Variants in TTLL7 observed in about 807,000 individuals in gnomAD.
TTLL7 encodes the protein tubulin polyglutamylase TTLL7.
A neutral mutation model predicts 120.2 loss-of-function variants in TTLL7; 53 were observed. That is an observed-to-expected ratio of 0.44 (90% confidence interval 0.35 to 0.55). The LOEUF (loss-of-function observed/expected upper bound fraction) is 0.55, where lower values mean the gene tolerates loss of function less well. Among genes scored for constraint, TTLL7 ranks in the 20% least tolerant of loss-of-function variants. TTLL7 has a pLI of 0.00. For synonymous variants in TTLL7, 353 were observed against 351.7 expected, an observed-to-expected ratio of 1.00 and a Z score of -0.04; for missense variants, 803 against 1,054.7, an observed-to-expected ratio of 0.76 and a Z score of 3.31.
chr1:83,925,425 G>A (rs563015760), intron 10 of TTLL7, among the ~76,000 whole-genome samples: 8 of 152,248 alleles, frequency 5.3e-5, no homozygotes, highest in African/African-American at 1.4e-4. Flanking sequence ...TAGTGGACTC[G>A]GAATAAATGG....
chr1:83,867,056 C>T lies in TTLL7; in HGVS notation c.*2906G>A, dbSNP rs959766951. 1.3e-5 allele frequency: 2 copies of T among 151,852 alleles called. No homozygotes were observed. Among genetic ancestry groups the T allele is most frequent in the African/African-American group, 4.8e-5 (2 of 41,384 alleles). The allele number at this position is 151,852 out of a possible 1,614,324, so 9.4% of individuals were successfully genotyped here. A position where few individuals can be genotyped will look rare whatever the true frequency, so the allele number is the denominator to read the frequency against. ...TTTCATTGTAAGTAAACCCAGTTCCCCTATTAAAAACCTCTGGTAAGATTA... is the reference window on the plus strand; with the variant it reads ...TTTCATTGTAAGTAAACCCAGTTCCTCTATTAAAAACCTCTGGTAAGATTA... On this transcript the variant is annotated 3_prime_UTR_variant, in exon 21 of 21. Coordinates refer to ENST00000260505, the MANE Select transcript of TTLL7 (RefSeq NM_024686.6).
chr1:83,886,907 T>C (rs888794017), intron 19 of TTLL7, among the ~76,000 whole-genome samples: 1 of 152,048 alleles, frequency 6.6e-6, no homozygotes, highest in Non-Finnish European at 1.5e-5. Flanking sequence ...TAAAACATGG[T>C]AGATAATTTT....
At chr1:83,876,503 T>C (rs894541914) in intron 20 of TTLL7, among the ~76,000 whole-genome samples, 2 of 151,956 alleles carry the variant, frequency 1.3e-5, no homozygotes, top group Non-Finnish European at 2.9e-5. Context: ...TTGAGATTTA[T>C]AGTAGAATTA....
At chr1:83,933,875 G>T (rs1647189251) in intron 8 of TTLL7, 109 bp from the exon 9 acceptor site, 15 of 1,000,434 alleles carry the variant, frequency 1.5e-5, no homozygotes, top group Non-Finnish European at 2.2e-5. Context: ...ACAAAGCTCT[G>T]TGGCATCTAG....
At chr1:83,979,650 A>C (rs1651786864) in intron 1 of TTLL7, 2 of 152,226 alleles carry the variant, frequency 1.3e-5, no homozygotes, top group Non-Finnish European at 2.9e-5. Context: ...TATAAACTAA[A>C]TTCCATCCAA....
At chr1:83,880,693 T>C (rs1654367838) in intron 20 of TTLL7, among the ~76,000 whole-genome samples, 1 of 152,062 alleles carries the variant, frequency 6.6e-6, no homozygotes, top group Non-Finnish European at 1.5e-5. Context: ...TTCAATGCCA[T>C]CCGCATCAAG....
intron 20 of TTLL7, among the ~76,000 whole-genome samples, chr1:83,870,558 C>T (rs979014646): frequency 6.6e-6 from 1 of 152,130 alleles, no homozygotes; most frequent in African/African-American, 2.4e-5. Flanking sequence ...GATTAACATT[C>T]CTAATTAGAA....
intron 1 of TTLL7, among the ~76,000 whole-genome samples, chr1:83,992,791 C>CTTTTTTTTT: frequency 9.8e-6 from 1 of 101,546 alleles, no homozygotes; most frequent in Non-Finnish European, 1.9e-5. Flanking sequence ...TATTCAAGTT[C>CTTTTTTTTT]TTTTTTTTTT....
intron 1 of TTLL7, among the ~76,000 whole-genome samples, chr1:83,964,210 T>C (rs776143479): frequency 6.6e-6 from 1 of 152,122 alleles, no homozygotes; most frequent in Non-Finnish European, 1.5e-5. Context: ...TCCAAATCTT[T>C]GAAAACAGTG....
intron 18 of TTLL7, chr1:83,900,043 CAT>C (rs1469463361): frequency 4.7e-5 from 16 of 339,318 alleles, no homozygotes; most frequent in Non-Finnish European, 6.3e-5. Flanking sequence ...AACCCTAAAA[CAT>C]ATGAAATTGT....
At chr1:83,885,870 A>G (rs1654932178) in intron 19 of TTLL7, among the ~76,000 whole-genome samples, 1 of 152,078 alleles carries the variant, frequency 6.6e-6, no homozygotes, top group South Asian at 2.1e-4. Flanking sequence ...TTAAAATACC[A>G]GTGCTTTTAT....
chr1:83,899,544 G>A (rs1001145468), intron 18 of TTLL7, among the ~76,000 whole-genome samples: 4 of 151,768 alleles, frequency 2.6e-5, no homozygotes, highest in African/African-American at 7.2e-5. Context: ...ATTTTTCTGC[G>A]AAAAAAATAG....
chr1:83,895,800 G>A (rs1347877873), intron 18 of TTLL7, among the ~76,000 whole-genome samples: 1 of 152,062 alleles, frequency 6.6e-6, no homozygotes, highest in African/African-American at 2.4e-5. Context: ...AGCAGCAAAA[G>A]CCTAGAGAGA....
chr1:83,884,467 T>G (rs1654798196), intron 19 of TTLL7, among the ~76,000 whole-genome samples: 1 of 151,938 alleles, frequency 6.6e-6, no homozygotes, highest in African/African-American at 2.4e-5. Flanking sequence ...GTTTATTTTT[T>G]CAGAGAAATG....
Position 83,870,059 on chromosome 1 carries a change from T to G in TTLL7, c.2567A>C (p.Gln856Pro). 6.3e-7 allele frequency: 1 copy of G among 1,575,906 alleles called. No individual in the cohort carries two copies. The highest frequency in any genetic ancestry group is 8.6e-7 in the Non-Finnish European group (1 of 1,167,180). Reference sequence around the variant, plus strand: ...GTAGGTTGGTGTTCTCAAGAAGAATTGGGTGCTCCCTGGTAGTAAATACCT... The same window carrying G: ...GTAGGTTGGTGTTCTCAAGAAGAATGGGGTGCTCCCTGGTAGTAAATACCT... ...NSRYLLPGST[Q>P]FFLRTPTYNL... The change falls in exon 21 of 21, where the codon CAA (glutamine) becomes CCA (proline). Residue 856 changes from glutamine to proline, a missense_variant. This residue lies in a region of TTLL7 where 388 missense variants were observed against 450.4 expected (regional missense o/e 0.86). Coordinates refer to ENST00000260505, the MANE Select transcript of TTLL7 (RefSeq NM_024686.6).
chr1:83,906,151 T>C (rs1260660784), intron 17 of TTLL7, among the ~76,000 whole-genome samples, 178 bp downstream of exon 17: 1 of 152,100 alleles, frequency 6.6e-6, no homozygotes, highest in Non-Finnish European at 1.5e-5. Flanking sequence ...TCACTGTCCA[T>C]GAATTGTAAC....
intron 6 of TTLL7, among the ~76,000 whole-genome samples, chr1:83,946,695 G>A (rs1376443269): frequency 1.3e-5 from 2 of 152,106 alleles, no homozygotes; most frequent in Non-Finnish European, 2.9e-5. Flanking sequence ...TAAAGGCAAA[G>A]AAGATATGTA....
intron 1 of TTLL7, among the ~76,000 whole-genome samples, chr1:83,972,315 C>T (rs1282393911): frequency 6.6e-6 from 1 of 152,036 alleles, no homozygotes; most frequent in African/African-American, 2.4e-5. Context: ...TTCCTATCTC[C>T]ACAGTTTTGT....
At chr1:83,875,342 C>A (rs946568315) in intron 20 of TTLL7, among the ~76,000 whole-genome samples, 1 of 151,882 alleles carries the variant, frequency 6.6e-6, no homozygotes, top group South Asian at 2.1e-4. Flanking sequence ...TTGAAACTAA[C>A]CCATCTTGCT....
Sources: allele counts gnomAD v4.1 joint callset (sites outside exome capture counted in the v4.1 genomes callset), GRCh38; gene constraint gnomAD v4.1.1; regional missense constraint gnomAD v4.1.1; transcripts MANE v1.5; gene names NCBI Gene and HGNC (gene_info 2026-07-23, HGNC 2026-07-21).